The following ERBB4 variants were observed in gnomAD, a reference collection of about 807,000 sequenced individuals.
The protein encoded by ERBB4 is receptor tyrosine-protein kinase erbB-4.
A neutral mutation model predicts 158.0 loss-of-function variants in ERBB4; 42 were observed. The ratio of observed to expected loss-of-function variants is 0.27; its 90% CI spans 0.21 to 0.34. The LOEUF (loss-of-function observed/expected upper bound fraction) is 0.34, where lower values mean the gene tolerates loss of function less well. Among genes scored for constraint, ERBB4 ranks in the 10% least tolerant of loss-of-function variants. ERBB4 has a pLI of 1.00. For missense variants in ERBB4, 1,333 were observed against 1,624.1 expected, an observed-to-expected ratio of 0.82 and a Z score of 3.08; for synonymous variants, 583 against 558.7, an observed-to-expected ratio of 1.04 and a Z score of -0.61.
At chr2:212,425,998 C>A (rs529622952) in intron 1 of ERBB4, among the ~76,000 whole-genome samples, 1 of 152,050 alleles carries the variant, frequency 6.6e-6, no homozygotes, top group African/African-American at 2.4e-5. Flanking sequence ...TCAATGTTCA[C>A]GTATTCAATC....
At chr2:211,846,528 A>T (rs2077593548) in intron 3 of ERBB4, among the ~76,000 whole-genome samples, 1 of 152,100 alleles carries the variant, frequency 6.6e-6, no homozygotes, top group Non-Finnish European at 1.5e-5. Context: ...CTGGAGAAAT[A>T]TTCCTCTTAT....
intron 1 of ERBB4, among the ~76,000 whole-genome samples, chr2:212,238,835 C>G (rs2083977589): frequency 6.6e-6 from 1 of 151,624 alleles, no homozygotes; most frequent in Non-Finnish European, 1.5e-5. Flanking sequence ...TTCAGGCTTC[C>G]TATATCTCAT....
At chr2:211,447,534 T>G (rs572019510) in intron 20 of ERBB4, among the ~76,000 whole-genome samples, 1 of 152,292 alleles carries the variant, frequency 6.6e-6, no homozygotes, top group African/African-American at 2.4e-5. Context: ...TAATGTAAAG[T>G]CTGTTAAAAT....
intron 2 of ERBB4, among the ~76,000 whole-genome samples, chr2:211,986,084 G>A (rs1040683914): frequency 2.6e-5 from 4 of 152,208 alleles, no homozygotes; most frequent in Non-Finnish European, 4.4e-5. Context: ...GCCATGTGAA[G>A]ATGGAGGCAG....
intron 22 of ERBB4, among the ~76,000 whole-genome samples, chr2:211,425,239 A>C (rs998388256): frequency 6.6e-5 from 10 of 152,074 alleles, no homozygotes; most frequent in African/African-American, 2.4e-4. Context: ...AAAATCCATT[A>C]ATTAGAGCTA....
At chr2:212,151,787 G>A (rs1438441320) in intron 1 of ERBB4, among the ~76,000 whole-genome samples, 1 of 152,124 alleles carries the variant, frequency 6.6e-6, no homozygotes, top group Non-Finnish European at 1.5e-5. Context: ...TACTCAAGAG[G>A]CTGAGGCACG....
chr2:211,486,808 G>T (rs2065215284), intron 20 of ERBB4, among the ~76,000 whole-genome samples: 1 of 151,986 alleles, frequency 6.6e-6, no homozygotes, highest in Admixed American at 6.6e-5. Flanking sequence ...TATGTGAAGT[G>T]CTCACTACAA....
At chr2:211,722,624 A>G (rs2074140582) in intron 6 of ERBB4, 90 bp from the exon 7 acceptor site, 5 of 1,280,358 alleles carry the variant, frequency 3.9e-6, no homozygotes, top group East Asian at 2.4e-5. Flanking sequence ...GTTTTTTTCT[A>G]TAATAATTCC....
chr2:211,466,547 AT>A (rs1276356673), intron 20 of ERBB4, among the ~76,000 whole-genome samples: 1 of 152,108 alleles, frequency 6.6e-6, no homozygotes, highest in Non-Finnish European at 1.5e-5. Flanking sequence ...CTCCAACAAC[AT>A]TGCAAATTTA....
intron 1 of ERBB4, among the ~76,000 whole-genome samples, chr2:212,306,185 A>G (rs997221954): frequency 7.3e-5 from 11 of 151,488 alleles, no homozygotes; most frequent in African/African-American, 2.7e-4. Context: ...TGATTTTCAT[A>G]TAAAGAAGTA....
intron 1 of ERBB4, among the ~76,000 whole-genome samples, chr2:212,316,542 T>C (rs2087287843): frequency 6.6e-6 from 1 of 151,578 alleles, no homozygotes; most frequent in African/African-American, 2.4e-5. Flanking sequence ...GTGAATTTAC[T>C]TTGGAACCCC....
intron 2 of ERBB4, among the ~76,000 whole-genome samples, chr2:211,998,656 A>G (rs1255461556): frequency 2.0e-5 from 3 of 151,838 alleles, no homozygotes; most frequent in Admixed American, 2.0e-4. Flanking sequence ...GTATGAAATG[A>G]TAATAGTTCT....
intron 2 of ERBB4, among the ~76,000 whole-genome samples, chr2:211,961,635 C>A (rs1172770039): frequency 2.0e-5 from 3 of 152,120 alleles, no homozygotes; most frequent in Non-Finnish European, 1.5e-5. Context: ...ATGAACACAC[C>A]ACCACCTATG....
chr2:212,013,675 T>G (rs1270366648), intron 2 of ERBB4, among the ~76,000 whole-genome samples: 2 of 152,164 alleles, frequency 1.3e-5, no homozygotes, highest in Non-Finnish European at 2.9e-5. Context: ...ATCTATAAAC[T>G]AAGGAATGCC....
intron 1 of ERBB4, among the ~76,000 whole-genome samples, chr2:212,313,248 A>T (rs925000930): frequency 2.7e-5 from 4 of 150,922 alleles, no homozygotes; most frequent in East Asian, 2.0e-4. Flanking sequence ...GCCAATAAAC[A>T]TTCCAGAGAA....
chr2:212,051,164 T>G (rs755318348), intron 2 of ERBB4, among the ~76,000 whole-genome samples: 5 of 152,190 alleles, frequency 3.3e-5, no homozygotes, highest in Non-Finnish European at 7.3e-5. Context: ...TTCTAAGCTT[T>G]GAAAGGTAAT....
intron 20 of ERBB4, among the ~76,000 whole-genome samples, chr2:211,523,859 C>T (rs1165803060): frequency 6.6e-6 from 1 of 152,106 alleles, no homozygotes; most frequent in Non-Finnish European, 1.5e-5. Flanking sequence ...GCCCCACCCA[C>T]GTCCTGCTGA....
chr2:211,694,858 G>A (rs1235874447), intron 12 of ERBB4, among the ~76,000 whole-genome samples: 1 of 152,108 alleles, frequency 6.6e-6, no homozygotes, highest in Non-Finnish European at 1.5e-5. Flanking sequence ...TGGGTTAGGA[G>A]TGCACAAATT....
chr2:211,686,407 T>A (rs919581411), intron 12 of ERBB4, among the ~76,000 whole-genome samples: 29 of 152,344 alleles, frequency 1.9e-4, no homozygotes, highest in Admixed American at 1.7e-3. Context: ...ACATTTTTGA[T>A]TATCAAATAT....
Sources: allele counts gnomAD v4.1 joint callset (sites outside exome capture counted in the v4.1 genomes callset), GRCh38; gene constraint gnomAD v4.1.1; transcripts MANE v1.5; gene names NCBI Gene and HGNC (gene_info 2026-07-23, HGNC 2026-07-21).